Variants in TSGA10 observed in about 807,000 individuals in gnomAD.
The protein encoded by TSGA10 is testis specific 10, also known as testis-specific gene 10 protein.
In TSGA10, 43 loss-of-function variants were observed where a neutral mutation model predicts 96.6. The ratio of observed to expected loss-of-function variants is 0.44; its 90% CI spans 0.35 to 0.57. TSGA10 has a LOEUF of 0.57. Among genes scored for constraint, TSGA10 ranks in the 20% least tolerant of loss-of-function variants. The pLI, the probability that TSGA10 is intolerant of heterozygous loss-of-function variation, is 0.01. For synonymous variants in TSGA10, 229 were observed against 269.9 expected, an observed-to-expected ratio of 0.85 and a Z score of 1.48; for missense variants, 703 against 834.4, an observed-to-expected ratio of 0.84 and a Z score of 1.94.
At position 99,038,534 on chromosome 2, in the gene TSGA10, A is replaced by G. The variant is rs6710670; in HGVS notation, c.1405-3095T>C. 9.7e-3 allele frequency among the ~76,000 whole-genome samples: 1,473 copies of G among 152,310 alleles called. 19 individuals carry two copies. Among genetic ancestry groups the G allele is most frequent in the African/African-American group, 0.032 (1,339 of 41,574 alleles). On this transcript the variant is annotated intron_variant, in intron 16 of 20. Coordinates refer to ENST00000393483, the MANE Select transcript of TSGA10 (RefSeq NM_025244.4). The stretch of plus-strand genomic sequence containing the variant: ...TTATATCAGACAAAGCAAACTTTAA[A>G]GCAACAACAGTTAAAAAAGACAAAG...
chr2:99,081,363 C>G lies in TSGA10; in HGVS notation c.646G>C (p.Asp216His). 1 of 1,584,748 alleles carries G rather than the reference C, an allele frequency of 6.3e-7. No homozygotes were observed. Among genetic ancestry groups the G allele is most frequent in the Non-Finnish European group, 8.6e-7 (1 of 1,165,998 alleles). ...LYENTEKDLS[D>H]TQRHLAKKKY... ...TTCTTAGCAAGGTGTCGCTGAGTAT[C>G]AGAAAGATCTTTTTCTGTGTTTTCA... The change falls in exon 11 of 21, where the codon GAT becomes CAT. Residue 216 changes from aspartate (D) to histidine (H), a missense_variant. Coordinates refer to ENST00000393483, the MANE Select transcript of TSGA10 (RefSeq NM_025244.4).
At chr2:99,022,576 C>G (rs2080145706) in intron 17 of TSGA10, among the ~76,000 whole-genome samples, 1 of 152,078 alleles carries the variant, frequency 6.6e-6, no homozygotes, top group Non-Finnish European at 1.5e-5. Flanking sequence ...CATAGATAAA[C>G]CACAGCTCTA....
intron 1 of TSGA10, chr2:99,141,557 G>GCGCAGGCGCACGCCCA (rs58516622): frequency 0.5 from 75,763 of 152,376 alleles, 20,647 homozygotes; most frequent in Middle Eastern, 0.69. Context: ...CATCCGCGCC[G>GCGCAGGCGCACGCCCA]CGCAGGCGCA....
intron 1 of TSGA10, among the ~76,000 whole-genome samples, chr2:99,146,551 C>T (rs2093634090): frequency 6.6e-6 from 1 of 152,168 alleles, no homozygotes; most frequent in Non-Finnish European, 1.5e-5. Context: ...TCTTTCTTCA[C>T]TCCAAGGTAA....
chr2:99,031,909 C>T (rs998172508), intron 17 of TSGA10, among the ~76,000 whole-genome samples: 1 of 152,188 alleles, frequency 6.6e-6, no homozygotes, highest in African/African-American at 2.4e-5. Flanking sequence ...AGGCACTGAT[C>T]TTAGCTCTGG....
intron 10 of TSGA10, among the ~76,000 whole-genome samples, chr2:99,084,185 A>T (rs1357086466): frequency 6.6e-6 from 1 of 152,226 alleles, no homozygotes; most frequent in East Asian, 1.9e-4. Context: ...ATTGTTTTTT[A>T]AAGCTCCTCA....
intron 1 of TSGA10, chr2:99,141,544 G>A (rs954313849): frequency 3.9e-5 from 4 of 101,590 alleles, no homozygotes; most frequent in African/African-American, 1.2e-4. Flanking sequence ...CCCCTTCCTG[G>A]CCCATCCGCG....
intron 12 of TSGA10, among the ~76,000 whole-genome samples, chr2:99,075,531 C>A (rs12468807): frequency 0.35 from 53,368 of 151,942 alleles, 10,712 homozygotes; most frequent in African/African-American, 0.55. Context: ...CTTTTCCATG[C>A]TAATTTATTT....
chr2:99,073,099 TAAA>T, intron 12 of TSGA10, 26 bp from the exon 13 acceptor site: 1 of 1,424,398 alleles, frequency 7.0e-7, no homozygotes, highest in Non-Finnish European at 9.7e-7. Context: ...AAGTATTAAA[TAAA>T]AAAATCTTAA....
intron 10 of TSGA10, among the ~76,000 whole-genome samples, chr2:99,082,477 G>C (rs2104604567): frequency 6.6e-6 from 1 of 152,200 alleles, no homozygotes; most frequent in South Asian, 2.1e-4. Context: ...GCTTAATAAA[G>C]GACTCTTAAT....
At chr2:99,066,603 G>A (rs1307171074) in intron 15 of TSGA10, among the ~76,000 whole-genome samples, 1 of 151,992 alleles carries the variant, frequency 6.6e-6, no homozygotes, top group East Asian at 1.9e-4. Flanking sequence ...AAAGTGAAAA[G>A]GGATTCCGTA....
chr2:99,138,363 T>G (rs2093408246), intron 1 of TSGA10, among the ~76,000 whole-genome samples: 1 of 152,254 alleles, frequency 6.6e-6, no homozygotes, highest in South Asian at 2.1e-4. Flanking sequence ...TTTGCTGACT[T>G]GTTTACTATC....
intron 1 of TSGA10, among the ~76,000 whole-genome samples, chr2:99,146,298 G>A (rs2093631281): frequency 6.6e-6 from 1 of 152,132 alleles, no homozygotes; most frequent in Non-Finnish European, 1.5e-5. Flanking sequence ...TGTGAATTAT[G>A]TTTTTATATC....
At chr2:99,048,230 T>C (rs1455794085) in intron 16 of TSGA10, among the ~76,000 whole-genome samples, 1 of 152,050 alleles carries the variant, frequency 6.6e-6, no homozygotes, top group East Asian at 1.9e-4. Context: ...TACTTTAAAC[T>C]TCATATAGAA....
chr2:99,045,443 A>T (rs571622207), intron 16 of TSGA10, among the ~76,000 whole-genome samples: 1 of 152,330 alleles, frequency 6.6e-6, no homozygotes, highest in African/African-American at 2.4e-5. Context: ...ATTCTTAAAG[A>T]AAAGAATTTT....
chr2:99,112,378 G>C (rs1349625872), intron 4 of TSGA10, among the ~76,000 whole-genome samples: 1 of 152,162 alleles, frequency 6.6e-6, no homozygotes, highest in East Asian at 1.9e-4. Context: ...AAACAAGAGA[G>C]ACAAAGATTT....
At chr2:99,141,280 GGAA>G (rs944098087) in intron 1 of TSGA10, 1 of 616,930 alleles carries the variant, frequency 1.6e-6, no homozygotes. Flanking sequence ...GGAGCCCGCG[GGAA>G]GGAGGAGGGG....
At chr2:99,128,121 CTG>C in intron 1 of TSGA10, among the ~76,000 whole-genome samples, 1 of 152,282 alleles carries the variant, frequency 6.6e-6, no homozygotes, top group Non-Finnish European at 1.5e-5. Context: ...AACACAGCTG[CTG>C]TTCTCCAAAA....
chr2:99,064,810 G>T, intron 16 of TSGA10, 129 bp downstream of exon 16: 1 of 692,166 alleles, frequency 1.4e-6, no homozygotes, highest in Non-Finnish European at 2.2e-6. Flanking sequence ...AGAATGGTTA[G>T]CATGCTACAA....
Sources: gnomAD v4.1 joint callset for allele counts (sites outside exome capture counted in the v4.1 genomes callset) on GRCh38, gnomAD v4.1.1 for gene constraint, MANE v1.5 for transcripts, NCBI Gene and HGNC (gene_info 2026-07-23, HGNC 2026-07-21) for gene names.